Variants in SSH2 observed in about 807,000 individuals in gnomAD.
SSH2 encodes protein phosphatase Slingshot homolog 2.
In SSH2, 37 loss-of-function variants were observed where a neutral mutation model predicts 135.2. That is an observed-to-expected ratio of 0.27 (90% CI 0.21 to 0.36). The LOEUF is 0.36. Among genes scored for constraint, SSH2 ranks in the 10% least tolerant of loss-of-function variants. The pLI is 1.00. For synonymous variants in SSH2, 628 were observed against 646.2 expected, an observed-to-expected ratio of 0.97 and a Z score of 0.43; for missense variants, 1,408 against 1,765.3, an observed-to-expected ratio of 0.80 and a Z score of 3.63.
At chr17:29,677,075 T>C (rs933482124) in intron 7 of SSH2, among the ~76,000 whole-genome samples, 190 bp from the exon 8 acceptor site, 1 of 152,252 alleles carries the variant, frequency 6.6e-6, no homozygotes, top group African/African-American at 2.4e-5. Flanking sequence ...TCTGACTTCA[T>C]CTACCAGGCA....
chr17:29,717,381 C>T (rs957288925), intron 3 of SSH2, among the ~76,000 whole-genome samples: 3 of 152,200 alleles, frequency 2.0e-5, no homozygotes, highest in African/African-American at 7.2e-5. Context: ...AGCAATCCTC[C>T]CACTTTGGCC....
chr17:29,664,110 G>T (rs955936203), intron 11 of SSH2, among the ~76,000 whole-genome samples: 5 of 152,204 alleles, frequency 3.3e-5, no homozygotes, highest in African/African-American at 1.2e-4. Flanking sequence ...GGCTGGGCGC[G>T]ATGGCTCATG....
intron 6 of SSH2, among the ~76,000 whole-genome samples, chr17:29,680,291 G>A (rs1598785199): frequency 2.0e-5 from 3 of 151,920 alleles, no homozygotes; most frequent in South Asian, 2.1e-4. Flanking sequence ...GGCCAGGCAC[G>A]GTGACTCATG....
intron 3 of SSH2, among the ~76,000 whole-genome samples, chr17:29,745,045 A>G (rs564260607): frequency 6.6e-6 from 1 of 152,300 alleles, no homozygotes; most frequent in East Asian, 1.9e-4. Flanking sequence ...ACCTTCCTAA[A>G]TAAACTATGT....
chr17:29,928,208 T>A, intron 1 of SSH2: 1 of 219,134 alleles, frequency 4.6e-6, no homozygotes, highest in Non-Finnish European at 8.8e-6. Context: ...AGTTTACTAG[T>A]GGAGTGAATT....
intron 8 of SSH2, chr17:29,675,716 A>G (rs2037682597): frequency 6.6e-6 from 1 of 152,546 alleles, no homozygotes; most frequent in Admixed American, 6.6e-5. Flanking sequence ...TAGGAAGAAC[A>G]CTCGAGCCCA....
At chr17:29,767,323 A>G (rs2041469448) in intron 3 of SSH2, among the ~76,000 whole-genome samples, 1 of 152,040 alleles carries the variant, frequency 6.6e-6, no homozygotes, top group Non-Finnish European at 1.5e-5. Flanking sequence ...CACACTTTAC[A>G]AAACATTTAA....
At chr17:29,756,919 T>A (rs1455834914) in intron 3 of SSH2, among the ~76,000 whole-genome samples, 2 of 152,116 alleles carry the variant, frequency 1.3e-5, no homozygotes, top group Non-Finnish European at 2.9e-5. Flanking sequence ...CCTCTCAAAG[T>A]GCTGGGATTA....
intron 2 of SSH2, among the ~76,000 whole-genome samples, chr17:29,848,077 G>A (rs2043165501): frequency 6.6e-6 from 1 of 152,064 alleles, no homozygotes; most frequent in South Asian, 2.1e-4. Flanking sequence ...TTCTTTCCTG[G>A]TGAAACTAAG....
intron 5 of SSH2, among the ~76,000 whole-genome samples, chr17:29,685,073 T>C (rs2038156910): frequency 6.6e-6 from 1 of 152,208 alleles, no homozygotes; most frequent in Non-Finnish European, 1.5e-5. Context: ...GTCTCAGAGA[T>C]GCAATTCCCA....
At chr17:29,795,545 G>C (rs928180017) in intron 2 of SSH2, among the ~76,000 whole-genome samples, 1 of 152,036 alleles carries the variant, frequency 6.6e-6, no homozygotes, top group Non-Finnish European at 1.5e-5. Flanking sequence ...GCTGTCTCTA[G>C]AATCAATAAT....
At position 29,703,015 on chromosome 17, in the gene SSH2, G is replaced by A. The variant is rs2039051260; in HGVS notation, c.236C>T (p.Pro79Leu). 5 of 1,613,694 alleles carry A rather than the reference G, an allele frequency of 3.1e-6. No individual in the cohort carries two copies. Among genetic ancestry groups the A allele is most frequent in the Non-Finnish European group, 4.2e-6 (5 of 1,179,876 alleles). The change falls in exon 4 of 16, where the codon CCA becomes CTA. Residue 79 changes from proline to leucine, a missense_variant. By Grantham distance (98) the Pro-to-Leu change is moderately conservative. Around this residue, in one of 3 missense-constraint regions of SSH2, gnomAD observed 222 missense variants for 355.6 expected, o/e 0.62. Coordinates refer to ENST00000540801, the MANE Select transcript of SSH2 (RefSeq NM_001282129.2). ...LTVKGAALFL[P>L]RGNGSSTPRI... is the part of the protein sequence containing the mutation. Reference sequence around the variant, plus strand: ...TGGTGTGGATGAGCCATTTCCCCGTGGTAGAAAAAGGGCAGCACCTTTGAC... The same window carrying A: ...TGGTGTGGATGAGCCATTTCCCCGTAGTAGAAAAAGGGCAGCACCTTTGAC...
intron 2 of SSH2, among the ~76,000 whole-genome samples, chr17:29,832,628 T>C (rs985519727): frequency 2.6e-5 from 4 of 152,356 alleles, no homozygotes; most frequent in Middle Eastern, 3.4e-3. Context: ...TATTCCATTG[T>C]GGTCAGAGAA....
rs1354749108 is a variant in SSH2, at chr17:29,636,333, T to C, written c.1897A>G (p.Met633Val). 1.9e-6 allele frequency: 3 copies of C among 1,614,216 alleles called. No individual in the cohort carries two copies. Among genetic ancestry groups the C allele is most frequent in the Non-Finnish European group, 2.5e-6 (3 of 1,180,038 alleles). ...TCCATAGGCAGTAGGTGGACATTCA[T>C]GTCTGCTTTCAGTGCATCTGTCTCC... ...DLETDALKAD[M>V]NVHLLPMEEL... The change falls in exon 15 of 16, where the codon ATG becomes GTG. Residue 633 changes from methionine (M) to valine (V), a missense_variant. Met to Val is a conservative substitution (Grantham distance 21). Coordinates refer to ENST00000540801, the MANE Select transcript of SSH2 (RefSeq NM_001282129.2).
chr17:29,908,317 A>G (rs1467754351), intron 1 of SSH2, among the ~76,000 whole-genome samples: 1 of 151,794 alleles, frequency 6.6e-6, no homozygotes, highest in Admixed American at 6.6e-5. Flanking sequence ...TTAGTCAGGT[A>G]TGGTGGTACA....
chr17:29,765,544 A>G (rs2041422820), intron 3 of SSH2, among the ~76,000 whole-genome samples: 1 of 152,228 alleles, frequency 6.6e-6, no homozygotes, highest in Non-Finnish European at 1.5e-5. Context: ...ATTATCCTCT[A>G]TGCTCTTTTC....
intron 3 of SSH2, among the ~76,000 whole-genome samples, chr17:29,716,021 G>A (rs1428910600): frequency 6.6e-6 from 1 of 152,158 alleles, no homozygotes; most frequent in African/African-American, 2.4e-5. Flanking sequence ...AGAAAATGGA[G>A]GCTAGCTAGT....
intron 6 of SSH2, among the ~76,000 whole-genome samples, chr17:29,681,411 G>C (rs574691197): frequency 1.3e-3 from 191 of 146,966 alleles, no homozygotes; most frequent in Non-Finnish European, 2.0e-3. Context: ...AGGCACGCTT[G>C]GTATTTTTAT....
intron 1 of SSH2, among the ~76,000 whole-genome samples, chr17:29,849,617 T>C (rs1404424189): frequency 1.3e-5 from 2 of 151,790 alleles, no homozygotes; most frequent in Admixed American, 6.6e-5. Flanking sequence ...TGTTTAGAGA[T>C]AGGCTATAGA....
Sources: gnomAD v4.1 joint callset for allele counts (sites outside exome capture counted in the v4.1 genomes callset) on GRCh38, gnomAD v4.1.1 for gene constraint, gnomAD v4.1.1 regional missense constraint, MANE v1.5 for transcripts, NCBI Gene and HGNC (gene_info 2026-07-23, HGNC 2026-07-21) for gene names.